SNX2: variants seen among roughly 807,000 people sequenced by gnomAD.
SNX2 encodes sorting nexin 2.
In SNX2, 25 loss-of-function variants were observed where a neutral mutation model predicts 69.9. The ratio of observed to expected loss-of-function variants is 0.36; its 90% CI spans 0.26 to 0.50. The LOEUF (loss-of-function observed/expected upper bound fraction) is 0.50. Ranked by LOEUF, SNX2 falls within the 20% of genes least tolerant of loss-of-function variation. SNX2 has a pLI of 0.97. For synonymous variants in SNX2, 229 were observed against 200.4 expected, an observed-to-expected ratio of 1.14 and a Z score of -1.20; for missense variants, 551 against 613.3, an observed-to-expected ratio of 0.90 and a Z score of 1.07.
intron 7 of SNX2, among the ~76,000 whole-genome samples, chr5:122,813,411 A>G (rs769708569): frequency 9.9e-5 from 15 of 152,130 alleles, no homozygotes; most frequent in Non-Finnish European, 1.8e-4. Flanking sequence ...TGAGAAGGAA[A>G]GTTTTATTCC....
chr5:122,804,566 A>G (rs911398598), intron 6 of SNX2, among the ~76,000 whole-genome samples: 4 of 151,818 alleles, frequency 2.6e-5, no homozygotes, highest in Admixed American at 6.6e-5. Context: ...ACGGGGTTTC[A>G]CCATATTGGC....
chr5:122,804,979 G>A (rs1456993129), intron 6 of SNX2, among the ~76,000 whole-genome samples: 1 of 151,720 alleles, frequency 6.6e-6, no homozygotes, highest in African/African-American at 2.4e-5. Flanking sequence ...TCGCTTTGCT[G>A]CCCAGGCTGG....
At chr5:122,787,814 A>G (rs979952593) in intron 1 of SNX2, among the ~76,000 whole-genome samples, 2 of 152,188 alleles carry the variant, frequency 1.3e-5, no homozygotes, top group African/African-American at 4.8e-5. Context: ...TACCCAAGGT[A>G]TTAGCAATAT....
At chr5:122,782,805 G>A (rs919673568) in intron 1 of SNX2, among the ~76,000 whole-genome samples, 2 of 152,146 alleles carry the variant, frequency 1.3e-5, no homozygotes, top group Non-Finnish European at 2.9e-5. Flanking sequence ...CCAAAGTGTT[G>A]GGATTACAGG....
chr5:122,802,717 TTTAAATATTAAAAG>T (rs1157631913), intron 5 of SNX2, among the ~76,000 whole-genome samples: 1 of 152,216 alleles, frequency 6.6e-6, no homozygotes, highest in Non-Finnish European at 1.5e-5. Context: ...ATTGTATGCC[TTTAAATATTAAAAG>T]AGCATGTCTG....
intron 14 of SNX2, 81 bp downstream of exon 14, chr5:122,827,727 A>T: frequency 1.1e-6 from 1 of 945,642 alleles, no homozygotes; most frequent in Non-Finnish European, 1.6e-6. Flanking sequence ...TGATTAATGA[A>T]CTGGGCATTT....
rs1473686415 is a variant in SNX2 at position 122,833,707 on chromosome 5, T to C, written c.*4059T>C. On this transcript the variant is annotated 3_prime_UTR_variant, in exon 15 of 15. Transcript: ENST00000379516. The stretch of plus-strand genomic sequence containing the variant: ...GCCTTTATTTCATTGTTGGTACTCT[T>C]TTTTATTACCCAGATACAATAAAGT... 1 of 152,196 alleles carries C rather than the reference T, an allele frequency of 6.6e-6. No homozygotes were observed. Among genetic ancestry groups the C allele is most frequent in the Non-Finnish European group, 1.5e-5 (1 of 68,032 alleles). The allele number at this position is 152,196 out of a possible 1,614,324, so 9.4% of individuals were successfully genotyped here. A position where few individuals can be genotyped will look rare whatever the true frequency, so the allele number is the denominator to read the frequency against.
intron 6 of SNX2, among the ~76,000 whole-genome samples, chr5:122,805,274 GA>G (rs1375555796): frequency 2.7e-5 from 4 of 146,930 alleles, no homozygotes; most frequent in African/African-American, 1.0e-4. Flanking sequence ...CTGGGCAGAA[GA>G]GCGAGACTCC....
At chr5:122,789,420 C>T (rs1468252572) in intron 1 of SNX2, among the ~76,000 whole-genome samples, 2 of 150,434 alleles carry the variant, frequency 1.3e-5, no homozygotes, top group Non-Finnish European at 3.0e-5. Flanking sequence ...GACCGCCCCA[C>T]CTTCCCCACC....
intron 1 of SNX2, among the ~76,000 whole-genome samples, chr5:122,791,908 CAGATA>C (rs1753249942): frequency 6.6e-6 from 1 of 152,154 alleles, no homozygotes. Context: ...GTCTATAAAA[CAGATA>C]ATACTTATAA....
rs1262586192 is a variant in SNX2 at position 122,832,489 on chromosome 5, A to C, written c.*2841A>C. ...TTCAAGTATTCAGCTTTATACTAATATATTAATCTCAAAATACCTTTGTTT... is the reference window on the plus strand; with the variant it reads ...TTCAAGTATTCAGCTTTATACTAATCTATTAATCTCAAAATACCTTTGTTT... On this transcript the variant is annotated 3_prime_UTR_variant, in exon 15 of 15. Coordinates refer to ENST00000379516, the MANE Select transcript of SNX2 (RefSeq NM_003100.4). 1 of 152,190 alleles carries C rather than the reference A, an allele frequency of 6.6e-6. No homozygotes were observed. The highest frequency in any genetic ancestry group is 2.1e-4 in the South Asian group (1 of 4,832). 9.4% of individuals were successfully genotyped at this position (152,190 alleles called of 1,614,324 possible).
At position 122,827,366 on chromosome 5, in the gene SNX2, TTG is replaced by T. The variant is rs775076463; in HGVS notation, c.1357-11_1357-10del. On this transcript the variant is annotated splice_polypyrimidine_tract_variant and intron_variant, in intron 12 of 14. Coordinates refer to ENST00000379516, the MANE Select transcript of SNX2 (RefSeq NM_003100.4). ...TTTGAGATAAGCATAAAATATTTCT[TTG>T]TTTTTATTAGTGGGAGGCGAAAGTG... 1 of 1,607,070 alleles carries T rather than the reference TTG, an allele frequency of 6.2e-7. No individual in the cohort carries two copies. The highest frequency in any genetic ancestry group is 1.1e-5 in the South Asian group (1 of 90,756).
chr5:122,815,924 A>C lies in SNX2; in HGVS notation c.751A>C (p.Thr251Pro). Residue 251 changes from threonine (T) to proline (P), a missense_variant, in exon 8 of 15, where the codon ACT (threonine) becomes CCT (proline). This residue lies in a region of SNX2 where 360 missense variants were observed against 450.4 expected (regional missense o/e 0.80). Coordinates refer to ENST00000379516, the MANE Select transcript of SNX2 (RefSeq NM_003100.4). ...RYLQRTVKHP[T>P]LLQDPDLRQF... is the part of the protein sequence containing the mutation. Reference sequence around the variant, plus strand: ...TCTTCAAAGAACAGTAAAACATCCAACTTTACTACAGGATCCTGATTTAAG... The same window carrying C: ...TCTTCAAAGAACAGTAAAACATCCACCTTTACTACAGGATCCTGATTTAAG... 6.2e-7 allele frequency: 1 copy of C among 1,603,460 alleles called. No individual in the cohort carries two copies.
chr5:122,803,691 T>G, intron 6 of SNX2, 78 bp downstream of exon 6: 1 of 1,148,380 alleles, frequency 8.7e-7, no homozygotes, highest in Non-Finnish European at 1.2e-6. Flanking sequence ...TGTGGATTTC[T>G]TAGTCATTCA....
chr5:122,806,142 G>GTGCGCACGCGCACACACACA (rs1554063163), intron 6 of SNX2, among the ~76,000 whole-genome samples: 1 of 130,584 alleles, frequency 7.7e-6, no homozygotes, highest in African/African-American at 2.9e-5. Flanking sequence ...ACACGCGCGC[G>GTGCGCACGCGCACACACACA]CACACACACA....
chr5:122,815,290 A>G (rs2161156), intron 7 of SNX2, among the ~76,000 whole-genome samples: 30,927 of 152,108 alleles, frequency 0.2, 3,568 homozygotes, highest in East Asian at 0.46. Flanking sequence ...CATTTACCAA[A>G]AACAGCAAAA....
Position 122,775,086 on chromosome 5 carries a change from T to C in SNX2, c.-18T>C. On this transcript the variant is annotated 5_prime_UTR_variant, in exon 1 of 15. Transcript: ENST00000379516. Reference sequence around the variant, plus strand: ...GGTCCGCGAGGCCCAGCTCGCGCAGTCGTTCGGGTGAGCGAAGATGGCGGC... The same window carrying C: ...GGTCCGCGAGGCCCAGCTCGCGCAGCCGTTCGGGTGAGCGAAGATGGCGGC... The C allele has an allele frequency of 6.4e-7, 1 of 1,571,080 alleles. No homozygotes were observed. Among genetic ancestry groups the C allele is most frequent in the Non-Finnish European group, 8.6e-7 (1 of 1,158,858 alleles).
At chr5:122,806,129 T>TAC (rs1178090025) in intron 6 of SNX2, among the ~76,000 whole-genome samples, 1,054 of 24,484 alleles carry the variant, frequency 0.043, 13 homozygotes, top group African/African-American at 0.15. Context: ...TGTATATATA[T>TAC]ACACACGCGC....
At chr5:122,803,804 A>G (rs1753568653) in intron 6 of SNX2, 191 bp downstream of exon 6, 1 of 496,254 alleles carries the variant, frequency 2.0e-6, no homozygotes, top group Admixed American at 4.0e-5. Context: ...TTTATTTTCT[A>G]ACACTTGAGG....
Sources: gnomAD v4.1 joint callset for allele counts (sites outside exome capture counted in the v4.1 genomes callset) on GRCh38, gnomAD v4.1.1 for gene constraint, gnomAD v4.1.1 regional missense constraint, MANE v1.5 for transcripts, NCBI Gene and HGNC (gene_info 2026-07-23, HGNC 2026-07-21) for gene names.